The following IRAK1BP1 variants were observed in gnomAD, a reference collection of about 807,000 sequenced individuals.
IRAK1BP1 encodes interleukin-1 receptor-associated kinase 1-binding protein 1.
IRAK1BP1 carries 24 observed loss-of-function variants against 28.0 expected under a neutral mutation model. The ratio of observed to expected loss-of-function variants is 0.86; its 90% CI spans 0.62 to 1.20. The LOEUF (loss-of-function observed/expected upper bound fraction) is 1.20, where lower values mean the gene tolerates loss of function less well. IRAK1BP1 is among the 50% of genes most tolerant of loss of function. The pLI, the probability that IRAK1BP1 is intolerant of heterozygous loss-of-function variation, is 0.00. For missense variants in IRAK1BP1, 336 were observed against 316.7 expected (o/e 1.06, Z -0.46); for synonymous variants, 131 against 116.3 (o/e 1.13, Z -0.81).
At chr6:78,948,472 T>C (rs1773952382), downstream of IRAK1BP1, among the ~76,000 whole-genome samples, 1 of 152,162 alleles carries the variant, frequency 6.6e-6, no homozygotes, top group African/African-American at 2.4e-5. Context: ...TATGCTATTT[T>C]TTTTTAGCAG....
At chr6:78,946,465 A>C (rs1773824253), downstream of IRAK1BP1, 1 of 1,400,504 alleles carries the variant, frequency 7.1e-7, no homozygotes, top group Admixed American at 3.3e-5. Context: ...TATGACGGAA[A>C]GCATGATGCC....
At chr6:78,975,060 G>C in the IRAK1BP1 span, among the ~76,000 whole-genome samples, 2 of 151,150 alleles carry the variant, frequency 1.3e-5, no homozygotes, top group African/African-American at 4.9e-5. Flanking sequence ...GCTGGGCAGA[G>C]ACACAACCAA....
At position 78,923,905 on chromosome 6, in the gene IRAK1BP1, G is replaced by A. The variant is rs143370356; in HGVS notation, c.*67+20795G>A. Among the ~76,000 whole-genome samples, 1,372 of 152,160 alleles carry A rather than the reference G, an allele frequency of 9.0e-3. 25 individuals are homozygous for A. Among genetic ancestry groups the A allele is most frequent in the African/African-American group, 0.031 (1,272 of 41,522 alleles). On this transcript the variant is annotated intron_variant and NMD_transcript_variant, in intron 4 of 4. Transcript: ENST00000606868. ...GAGACAACGTACCAGAATCTCTGGG[G>A]CACATTCAAAGCAGTGTGTAGAGGG... is the stretch of plus-strand genomic sequence containing the variant.
At chr6:78,957,863 T>C in the IRAK1BP1 span, 2 of 152,132 alleles carry the variant, frequency 1.3e-5, no homozygotes, top group African/African-American at 2.4e-5. Flanking sequence ...ATCACTCTTG[T>C]TATGGGATCA....
At chr6:78,888,984 G>T (rs1174921677) in intron 2 of IRAK1BP1, among the ~76,000 whole-genome samples, 1 of 151,582 alleles carries the variant, frequency 6.6e-6, no homozygotes, top group Non-Finnish European at 1.5e-5. Context: ...GGATGTGATG[G>T]CATGCACCTG....
chr6:78,872,984 G>A (rs764550133), intron 1 of IRAK1BP1, among the ~76,000 whole-genome samples: 7 of 151,930 alleles, frequency 4.6e-5, no homozygotes, highest in Non-Finnish European at 7.4e-5. Context: ...GGCCAGGCAC[G>A]ATGGCTCATG....
At chr6:78,907,381 T>G (rs1772287796), downstream of IRAK1BP1, among the ~76,000 whole-genome samples, 1 of 152,146 alleles carries the variant, frequency 6.6e-6, no homozygotes. Context: ...CACCATATTT[T>G]CCACAAAACT....
chr6:78,907,667 AATTAT>A (rs1206797661), downstream of IRAK1BP1, among the ~76,000 whole-genome samples: 1 of 152,158 alleles, frequency 6.6e-6, no homozygotes, highest in African/African-American at 2.4e-5. Flanking sequence ...GAGGTAGCCT[AATTAT>A]ATTAGATGTT....
the IRAK1BP1 span, chr6:78,969,925 C>A: frequency 6.3e-7 from 1 of 1,577,664 alleles, no homozygotes; most frequent in Non-Finnish European, 8.7e-7. Flanking sequence ...TATCTAATTA[C>A]AAACAGAAAC....
chr6:78,929,489 G>A (rs1250697090), intron 4 of IRAK1BP1, among the ~76,000 whole-genome samples: 1 of 151,946 alleles, frequency 6.6e-6, no homozygotes, highest in East Asian at 1.9e-4. Flanking sequence ...GCTAAACATT[G>A]GTTACTCATG....
At chr6:78,970,853 G>T in the IRAK1BP1 span, 279 of 1,610,248 alleles carry the variant, frequency 1.7e-4, 1 homozygote, top group Non-Finnish European at 2.2e-4. Flanking sequence ...GGGCCATTTC[G>T]ACATAGGCTT....
At chr6:78,941,317 G>A (rs1230601411) in intron 4 of IRAK1BP1, 2 of 1,612,530 alleles carry the variant, frequency 1.2e-6, no homozygotes, top group South Asian at 2.2e-5. Flanking sequence ...CAAGAGCGTT[G>A]TTCTTACAAT....
At chr6:78,892,294 A>G (rs916790563) in intron 2 of IRAK1BP1, among the ~76,000 whole-genome samples, 3 of 152,158 alleles carry the variant, frequency 2.0e-5, no homozygotes, top group African/African-American at 4.8e-5. Context: ...CAAACTAGAG[A>G]AAGTTGATTA....
chr6:78,894,430 G>C (rs1771806634), intron 2 of IRAK1BP1, among the ~76,000 whole-genome samples: 1 of 152,138 alleles, frequency 6.6e-6, no homozygotes, highest in African/African-American at 2.4e-5. Flanking sequence ...AGCTGGAGTG[G>C]CTATAGTAAT....
intron 4 of IRAK1BP1, among the ~76,000 whole-genome samples, chr6:78,922,858 C>T (rs1451723029): frequency 1.3e-5 from 2 of 152,140 alleles, no homozygotes; most frequent in African/African-American, 4.8e-5. Context: ...AAATCCTTTA[C>T]AGACAAGCAA....
At chr6:78,925,819 G>T (rs895633007) in intron 4 of IRAK1BP1, among the ~76,000 whole-genome samples, 1 of 152,056 alleles carries the variant, frequency 6.6e-6, no homozygotes, top group Non-Finnish European at 1.5e-5. Flanking sequence ...AGTGGATAAA[G>T]AAAATATGGT....
chr6:78,920,696 G>A (rs1772699407), intron 4 of IRAK1BP1, among the ~76,000 whole-genome samples: 1 of 152,138 alleles, frequency 6.6e-6, no homozygotes. Context: ...GAAGGAAACT[G>A]AGGAAATACC....
chr6:78,947,611 G>GT, downstream of IRAK1BP1: 1 of 1,268,782 alleles, frequency 7.9e-7, no homozygotes, highest in Non-Finnish European at 1.1e-6. Flanking sequence ...AGAAAATAAT[G>GT]TAATTATATA....
At chr6:78,883,677 A>AAT (rs1771310992) in intron 1 of IRAK1BP1, among the ~76,000 whole-genome samples, 1 of 152,196 alleles carries the variant, frequency 6.6e-6, no homozygotes, top group Non-Finnish European at 1.5e-5. Flanking sequence ...GATTGCAAGC[A>AAT]ATATATATAG....
Sources: allele counts gnomAD v4.1 joint callset (sites outside exome capture counted in the v4.1 genomes callset), GRCh38; gene constraint gnomAD v4.1.1; transcripts MANE v1.5; gene names NCBI Gene and HGNC (gene_info 2026-07-23, HGNC 2026-07-21).